Variants in IL1RAPL2 observed in about 807,000 individuals in gnomAD.
IL1RAPL2 encodes the protein interleukin 1 receptor accessory protein like 2.
A neutral mutation model predicts 44.1 loss-of-function variants in IL1RAPL2; 3 were observed. The ratio of observed to expected loss-of-function variants is 0.07; its 90% CI spans 0.03 to 0.18. The LOEUF (loss-of-function observed/expected upper bound fraction) is 0.18, where lower values mean the gene tolerates loss of function less well. IL1RAPL2 is among the 10% of genes least tolerant of loss of function. The pLI is 1.00. For missense variants in IL1RAPL2, 391 were observed against 496.4 expected (o/e 0.79, Z 2.02); for synonymous variants, 181 against 178.8 (o/e 1.01, Z -0.10).
At chrX:105,609,541 C>T (rs907473799) in intron 6 of IL1RAPL2, among the ~76,000 whole-genome samples, 1 of 111,751 alleles carries the variant, frequency 8.9e-6, no homozygotes, top group Admixed American at 9.5e-5. Flanking sequence ...TTTAGTTTTT[C>T]CTTTTTAAGT....
intron 3 of IL1RAPL2, among the ~76,000 whole-genome samples, chrX:105,229,613 A>G (rs782453632): frequency 5.4e-5 from 6 of 111,591 alleles, no homozygotes; most frequent in Non-Finnish European, 1.1e-4. Flanking sequence ...CCTTGCCTTT[A>G]ACACCACCCC....
chrX:105,631,154 G>C (rs2037489408), intron 6 of IL1RAPL2, among the ~76,000 whole-genome samples: 1 of 110,788 alleles, frequency 9.0e-6, no homozygotes, highest in Non-Finnish European at 1.9e-5. Context: ...AATTGTGATA[G>C]GGAGAAAAAA....
intron 1 of IL1RAPL2, among the ~76,000 whole-genome samples, chrX:104,658,179 A>T (rs1930309470): frequency 8.9e-6 from 1 of 112,163 alleles, no homozygotes; most frequent in Non-Finnish European, 1.9e-5. Context: ...TATGTTTATC[A>T]TGGCACTGTT....
intron 6 of IL1RAPL2, among the ~76,000 whole-genome samples, chrX:105,553,588 G>GTA (rs753317797): frequency 1.1e-3 from 126 of 111,261 alleles, no homozygotes; most frequent in African/African-American, 4.0e-3. Flanking sequence ...TTGTCTCTAG[G>GTA]TATATATATT....
At position 104,905,860 on chromosome X, in the gene IL1RAPL2, T is replaced by C. The variant is rs893845911; in HGVS notation, c.82+246865T>C. Among the ~76,000 whole-genome samples the C allele has an allele frequency of 1.6e-4, 18 of 110,959 alleles. No individual in the cohort carries two copies. The South Asian group carries it at 2.7e-3, about 17-fold the overall frequency. On this transcript the variant is annotated intron_variant, in intron 2 of 10. Transcript: ENST00000372582. Reference sequence around the variant, plus strand: ...GTGAAGAAAGTCATTGGTAGCTTGATGGGGATGGCATTGAATCTATAAATT... The same window carrying C: ...GTGAAGAAAGTCATTGGTAGCTTGACGGGGATGGCATTGAATCTATAAATT...
chrX:105,389,544 G>C (rs1302303261), intron 5 of IL1RAPL2, among the ~76,000 whole-genome samples: 1 of 111,693 alleles, frequency 9.0e-6, no homozygotes, highest in Non-Finnish European at 1.9e-5. Flanking sequence ...TTAAGGATAG[G>C]AACTGGAGGC....
intron 5 of IL1RAPL2, among the ~76,000 whole-genome samples, chrX:105,479,920 ATGT>A (rs1176082356): frequency 9.0e-6 from 1 of 111,391 alleles, no homozygotes; most frequent in Non-Finnish European, 1.9e-5. Flanking sequence ...GAATGGTTAA[ATGT>A]TATGACGAAA....
Position 104,931,334 on chromosome X carries a change from C to T in IL1RAPL2, c.83-264141C>T, listed in dbSNP as rs752749493. ...ACATGGCAAAAGAAAATGTGAAGCACGGGATTGCACTGTTATAATGCCACT... is the reference window on the plus strand; with the variant it reads ...ACATGGCAAAAGAAAATGTGAAGCATGGGATTGCACTGTTATAATGCCACT... On this transcript the variant is annotated intron_variant, in intron 2 of 10. Coordinates refer to ENST00000372582, the MANE Select transcript of IL1RAPL2 (RefSeq NM_017416.2). Among the ~76,000 whole-genome samples, 14 of 103,891 alleles carry T rather than the reference C, an allele frequency of 1.3e-4. 1 individual carries two copies. In the South Asian group the frequency reaches 4.2e-3, roughly 31 times the overall value. The allele number at this position is 103,891 out of a possible 115,157, so 90.2% of individuals were successfully genotyped here. A position where few individuals can be genotyped will look rare whatever the true frequency, so the allele number is the denominator to read the frequency against.
chrX:104,774,295 G>T (rs1293632972), intron 2 of IL1RAPL2, among the ~76,000 whole-genome samples: 1 of 111,757 alleles, frequency 8.9e-6, no homozygotes, highest in Non-Finnish European at 1.9e-5. Flanking sequence ...GTCAATAGTA[G>T]GCAGCGAAGT....
chrX:105,172,585 T>C (rs1240267041), intron 2 of IL1RAPL2, among the ~76,000 whole-genome samples: 2 of 111,507 alleles, frequency 1.8e-5, no homozygotes, highest in Non-Finnish European at 3.8e-5. Context: ...CCCCCCTCCA[T>C]CTTCAAAGCT....
chrX:105,434,114 G>C (rs1038718970), intron 5 of IL1RAPL2, among the ~76,000 whole-genome samples: 2 of 111,639 alleles, frequency 1.8e-5, no homozygotes, highest in Non-Finnish European at 3.8e-5. Flanking sequence ...CTAAATAAGC[G>C]CATGAAAAGA....
intron 6 of IL1RAPL2, among the ~76,000 whole-genome samples, chrX:105,628,182 CTTTTT>C (rs1367530544): frequency 9.0e-6 from 1 of 110,729 alleles, no homozygotes; most frequent in Non-Finnish European, 1.9e-5. Context: ...TTTTCTTTTT[CTTTTT>C]TTATTATACT....
chrX:105,447,210 TATATATA>T lies in IL1RAPL2; in HGVS notation c.698-37101_698-37095del. Among the ~76,000 whole-genome samples the T allele has an allele frequency of 4.5e-4, 6 of 13,244 alleles. No individual in the cohort carries two copies. The African/African-American group carries it at 5.8e-3, about 13-fold the overall frequency. 11.5% of individuals were successfully genotyped at this position (13,244 alleles called of 115,157 possible). On this transcript the variant is annotated intron_variant, in intron 5 of 10. Transcript: ENST00000372582. ...ATAAATATATATAAATATATATAAATATATATAAAATATATATAAATATATATATAAA... is the reference window on the plus strand; with the variant it reads ...ATAAATATATATAAATATATATAAATAAATATATATAAATATATATATAAA...
intron 6 of IL1RAPL2, among the ~76,000 whole-genome samples, chrX:105,696,566 G>A (rs940888865): frequency 1.8e-5 from 2 of 111,495 alleles, no homozygotes; most frequent in African/African-American, 3.3e-5. Context: ...TAATAAAATC[G>A]AGGGACTAGA....
chrX:105,426,865 AAC>A (rs771383292), intron 5 of IL1RAPL2, among the ~76,000 whole-genome samples: 27 of 112,300 alleles, frequency 2.4e-4, no homozygotes, highest in African/African-American at 7.7e-4. Context: ...CACCAGAGAA[AAC>A]CTTGGGCTAG....
chrX:105,128,555 A>T (rs928902056), intron 2 of IL1RAPL2, among the ~76,000 whole-genome samples: 34 of 111,422 alleles, frequency 3.1e-4, no homozygotes, highest in Admixed American at 1.4e-3. Context: ...AACTCATATT[A>T]AAAAAGGTAT....
At chrX:105,530,341 A>G (rs1440191432) in intron 6 of IL1RAPL2, among the ~76,000 whole-genome samples, 2 of 111,757 alleles carry the variant, frequency 1.8e-5, no homozygotes, top group African/African-American at 6.5e-5. Flanking sequence ...GCATCTTTTC[A>G]TGTGATTATT....
At chrX:104,685,235 C>T (rs922539374) in intron 2 of IL1RAPL2, among the ~76,000 whole-genome samples, 1 of 111,880 alleles carries the variant, frequency 8.9e-6, no homozygotes, top group Non-Finnish European at 1.9e-5. Context: ...CAGGCATTAC[C>T]CCTATCCTCT....
At chrX:105,510,292 T>C (rs5962540) in intron 6 of IL1RAPL2, among the ~76,000 whole-genome samples, 24,084 of 111,441 alleles carry the variant, frequency 0.22, 6,309 homozygotes, top group African/African-American at 0.75. Flanking sequence ...TACATGGTAA[T>C]GTGTATGTGT....
Sources: allele counts gnomAD v4.1 joint callset (sites outside exome capture counted in the v4.1 genomes callset), GRCh38; gene constraint gnomAD v4.1.1; transcripts MANE v1.5; gene names NCBI Gene and HGNC (gene_info 2026-07-23, HGNC 2026-07-21).